Variants in NPM3 observed in about 807,000 individuals in gnomAD.
The protein encoded by NPM3 is nucleoplasmin-3.
A neutral mutation model predicts 18.1 loss-of-function variants in NPM3; 12 were observed. The observed-to-expected ratio is 0.66, with a 90% CI of 0.42 to 1.07. NPM3 has a LOEUF of 1.07. NPM3 is among the 50% of genes least tolerant of loss of function. NPM3 has a pLI of 0.00. For missense variants in NPM3, 274 were observed against 232.1 expected (o/e 1.18, Z -1.17); for synonymous variants, 116 against 93.7 (o/e 1.24, Z -1.38).
upstream of NPM3, chr10:101,783,437 G>T (rs199854285): frequency 7.0e-6 from 10 of 1,427,298 alleles, no homozygotes; most frequent in Non-Finnish European, 9.5e-6. Context: ...GCACAAAGCC[G>T]GGGACCCTCG....
At chr10:101,783,367 G>C (rs760222036) in exon 1 of NPM3, 7 of 1,611,752 alleles carry the variant, frequency 4.3e-6, no homozygotes, top group South Asian at 1.1e-5. Context: ...AAAACGCTAA[G>C]GCAGCTGCAG....
Position 101,781,640 on chromosome 10 carries a change from G to C in NPM3, c.*10-8C>G. 1 of 1,370,686 alleles carries C rather than the reference G, an allele frequency of 7.3e-7. No individual in the cohort carries two copies. The highest frequency in any genetic ancestry group is 1.3e-5 in the South Asian group (1 of 77,448). 84.9% of individuals were successfully genotyped at this position (1,370,686 alleles called of 1,614,324 possible). A position where few individuals can be genotyped will look rare whatever the true frequency, so the allele number is the denominator to read the frequency against. On this transcript the variant is annotated splice_polypyrimidine_tract_variant and splice_region_variant and intron_variant, in intron 5 of 5. Coordinates refer to ENST00000370110, the Ensembl canonical transcript of NPM3. Reference sequence around the variant, plus strand: ...ATGGCACATGGAGCTGACCTGAAAAGAGGAAACAAGGAATCAGCATTTAGG... The same window carrying C: ...ATGGCACATGGAGCTGACCTGAAAACAGGAAACAAGGAATCAGCATTTAGG...
At chr10:101,783,135 T>A in intron 1 of NPM3, 138 bp downstream of exon 1, 1 of 834,736 alleles carries the variant, frequency 1.2e-6, no homozygotes, top group Non-Finnish European at 1.9e-6. Flanking sequence ...TGGCTGTGCG[T>A]GCGAGGCCCC....
chr10:101,782,766 T>C, intron 2 of NPM3, 73 bp downstream of exon 2: 1 of 1,579,868 alleles, frequency 6.3e-7, no homozygotes, highest in Non-Finnish European at 8.7e-7. Context: ...GTAAAGGGGA[T>C]CCGGAGGTTG....
At chr10:101,783,059 A>C in intron 1 of NPM3, 135 bp from the exon 2 acceptor site, 1 of 838,866 alleles carries the variant, frequency 1.2e-6, no homozygotes, top group South Asian at 1.6e-5. Flanking sequence ...TTCTCTCAGA[A>C]CACCTGGGAC....
At chr10:101,781,981 G>C in intron 4 of NPM3, 127 bp from the exon 5 acceptor site, 1 of 1,509,126 alleles carries the variant, frequency 6.6e-7, no homozygotes, top group Non-Finnish European at 9.1e-7. Flanking sequence ...TATGGGCTAG[G>C]TGGGAAGAAC....
chr10:101,783,286 G>T (rs1322319019), exon 1 of NPM3: 2 of 1,608,100 alleles, frequency 1.2e-6, no homozygotes, highest in Non-Finnish European at 1.7e-6. Context: ...AGAAAAAACT[G>T]TCCATAGTGA....
chr10:101,783,209 C>A, intron 1 of NPM3, 64 bp downstream of exon 1: 1 of 1,250,324 alleles, frequency 8.0e-7, no homozygotes. Flanking sequence ...CCTCCGCATT[C>A]CCGCCTCACA....
At chr10:101,782,091 C>T (rs1212030428) in intron 4 of NPM3, among the ~76,000 whole-genome samples, 167 bp downstream of exon 4, 2 of 151,988 alleles carry the variant, frequency 1.3e-5, no homozygotes, top group African/African-American at 4.8e-5. Context: ...CTTGAGTAGA[C>T]GGAAAGGAGA....
chr10:101,781,868 A>G lies in NPM3; in HGVS notation c.419-14T>C. Reference sequence around the variant, plus strand: ...TGCTCATCGTAACTGGTGGACACACAAGCAGTAGAAGGATGGGGTGTTAAG... The same window carrying G: ...TGCTCATCGTAACTGGTGGACACACGAGCAGTAGAAGGATGGGGTGTTAAG... On this transcript the variant is annotated splice_polypyrimidine_tract_variant and intron_variant, in intron 4 of 5. Transcript: ENST00000370110. 4 of 1,614,148 alleles carry G rather than the reference A, an allele frequency of 2.5e-6. No homozygotes were observed. Among genetic ancestry groups the G allele is most frequent in the Non-Finnish European group, 3.4e-6 (4 of 1,180,026 alleles).
chr10:101,782,618 C>G, intron 2 of NPM3, 21 bp from the exon 3 acceptor site: 2 of 1,613,116 alleles, frequency 1.2e-6, no homozygotes, highest in Non-Finnish European at 1.7e-6. Context: ...TACACAGGGC[C>G]TCAGGGTCTC....
Position 101,781,838 on chromosome 10 carries a change from A to T in NPM3, c.435T>A (p.Asp145Glu), listed in dbSNP as rs35851375. The T allele has an allele frequency of 2.3e-4, 369 of 1,614,094 alleles. 3 individuals carry two copies. In the African/African-American group the frequency reaches 4.1e-3, roughly 18 times the overall value. The change falls in exon 5 of 6, where the codon GAT becomes GAA. Residue 145 changes from aspartate to glutamate, a missense_variant. By Grantham distance (45) the Asp-to-Glu change is conservative (BLOSUM62 2). Coordinates refer to ENST00000370110, the Ensembl canonical transcript of NPM3. ...CTTCCTCGCTCTCCTCCTCAGAAAC[A>T]TCATTGCTCATCGTAACTGGTGGAC...
At chr10:101,782,946 A>G in intron 1 of NPM3, 22 bp from the exon 2 acceptor site, 2 of 1,611,254 alleles carry the variant, frequency 1.2e-6, no homozygotes, top group Non-Finnish European at 1.7e-6. Context: ...AACAGTGAGT[A>G]TGCCTGAGCG....
Position 101,781,798 on chromosome 10 carries a change from CA to C in NPM3, c.474del (p.Ser158ArgfsTer81). The stretch of plus-strand genomic sequence containing the variant: ...GGGCACAGCTCAACTTCTTCCTCAT[CA>C]CTGTCCTCTTCCTCTTCCTCGCTCT... On this transcript the variant is annotated frameshift_variant, in exon 5 of 6. Coordinates refer to ENST00000370110, the Ensembl canonical transcript of NPM3. LOFTEE classifies it high-confidence loss of function. 1.9e-6 allele frequency: 3 copies of C among 1,614,208 alleles called. No individual in the cohort carries two copies. Among genetic ancestry groups the C allele is most frequent in the Non-Finnish European group, 2.5e-6 (3 of 1,180,044 alleles).
At chr10:101,783,347 T>G (rs1330560653) in exon 1 of NPM3, 1 of 1,612,850 alleles carries the variant, frequency 6.2e-7, no homozygotes, top group Non-Finnish European at 8.5e-7. Context: ...CGTTCGGCTC[T>G]CCTGACTCAA....
exon 4 of NPM3, chr10:101,782,280 C>A: frequency 6.2e-7 from 1 of 1,613,876 alleles, no homozygotes; most frequent in Non-Finnish European, 8.5e-7. Context: ...GCCCAGTGAT[C>A]CGCACAGGGC....
chr10:101,782,498 T>C (rs2065149391), exon 3 of NPM3: 1 of 1,612,140 alleles, frequency 6.2e-7, no homozygotes, highest in Admixed American at 1.7e-5. Context: ...CAGGACAGCT[T>C]GAGGTTGGCC....
At chr10:101,783,001 A>C in intron 1 of NPM3, 77 bp from the exon 2 acceptor site, 1 of 1,361,276 alleles carries the variant, frequency 7.3e-7, no homozygotes, top group Non-Finnish European at 1.0e-6. Context: ...ACCCGCCGTC[A>C]CGTGTAACCT....
rs372575499 is a variant in NPM3, at chr10:101,782,961, T to C, written c.119-37A>G. On this transcript the variant is annotated intron_variant, in intron 1 of 5. Transcript: ENST00000370110. The stretch of plus-strand genomic sequence containing the variant: ...AACAGTGAGTATGCCTGAGCGTGTG[T>C]ACGGGGCTGGGCAGCGGGGGATGTC... 4.4e-6 allele frequency: 7 copies of C among 1,599,512 alleles called. No homozygotes were observed. The African/African-American group carries it at 6.7e-5, about 15-fold the overall frequency.
Sources: gnomAD v4.1 joint callset for allele counts (sites outside exome capture counted in the v4.1 genomes callset) on GRCh38, gnomAD v4.1.1 for gene constraint, MANE v1.5 for transcripts, NCBI Gene and HGNC (gene_info 2026-07-23, HGNC 2026-07-21) for gene names.